Variants in CACNA1C observed in about 807,000 individuals in gnomAD.
CACNA1C encodes voltage-dependent L-type calcium channel subunit alpha-1C.
Under a neutral mutation model 229.0 loss-of-function variants are expected in CACNA1C, and 30 were observed. The observed-to-expected ratio is 0.13, with a 90% CI of 0.10 to 0.18. The LOEUF is 0.18. CACNA1C is among the 10% of genes least tolerant of loss of function. CACNA1C has a pLI of 1.00. For synonymous variants in CACNA1C, 1,114 were observed against 1,132.5 expected (o/e 0.98, Z 0.33); for missense variants, 1,658 against 2,845.0 (o/e 0.58, Z 9.49).
rs215983 is a variant in CACNA1C at position 2,597,554 on chromosome 12, G to C, written c.2853+265G>C. 0.97 allele frequency: 1,069,099 copies of C among 1,102,694 alleles called. 518,669 individuals carry two copies. The highest frequency in any genetic ancestry group is 1 in the East Asian group (42,597 of 42,602). 68.3% of individuals were successfully genotyped at this position (1,102,694 alleles called of 1,614,324 possible). On this transcript the variant is annotated intron_variant, in intron 21 of 46. Transcript: ENST00000399655. This position sits in a 1 kb window ranked among gnomAD's most constrained non-coding sequence, Gnocchi z 4.3. The stretch of plus-strand genomic sequence containing the variant: ...CTTTCTTTGTCTATCTCTGCTCTGT[G>C]TGGCTGGATCTTTTGTCTTTTCTGT...
chr12:2,153,890 AATC>A (rs1381438440), intron 3 of CACNA1C, among the ~76,000 whole-genome samples: 1 of 152,258 alleles, frequency 6.6e-6, no homozygotes, highest in Admixed American at 6.5e-5. Context: ...GAAGCTGAAT[AATC>A]ACAGGGTCTC....
At chr12:2,123,725 C>A (rs1424045721) in intron 3 of CACNA1C, among the ~76,000 whole-genome samples, 1 of 152,154 alleles carries the variant, frequency 6.6e-6, no homozygotes, top group Non-Finnish European at 1.5e-5. Flanking sequence ...CCTTGCCATG[C>A]CCATCTGAGC....
intron 3 of CACNA1C, among the ~76,000 whole-genome samples, chr12:2,377,321 T>C (rs1320430376): frequency 6.6e-6 from 1 of 152,072 alleles, no homozygotes; most frequent in African/African-American, 2.4e-5. Flanking sequence ...AGAGGTGATG[T>C]TGTCATGCCG....
rs373875149 is a variant in CACNA1C at position 2,493,224 on chromosome 12, G to T, written c.951G>T (p.Ala317=). 1.4e-5 allele frequency: 23 copies of T among 1,613,834 alleles called. No homozygotes were observed. The part of the protein sequence containing the change: ...VPAEDDPSPC[A]LETGHGRQCQ... ...CAGAAGATGACCCTTCCCCTTGTGC[G>T]CTGGAAACGGGCCACGGGCGGCAGT... Residue 317 remains alanine, a synonymous_variant, in exon 7 of 47, where the codon GCG becomes GCT. Coordinates refer to ENST00000399655, the MANE Select transcript of CACNA1C (RefSeq NM_000719.7). The surrounding 1 kb of genome is among the most constrained non-coding windows in gnomAD (Gnocchi z 4.6).
At chr12:2,192,027 C>T (rs988168783) in intron 3 of CACNA1C, among the ~76,000 whole-genome samples, 51 of 150,576 alleles carry the variant, frequency 3.4e-4, no homozygotes, top group African/African-American at 1.0e-3. Flanking sequence ...CACATATACA[C>T]GCACTCACAC....
intron 1 of CACNA1C, among the ~76,000 whole-genome samples, chr12:2,027,115 G>A (rs747901632): frequency 6.6e-6 from 1 of 152,166 alleles, no homozygotes; most frequent in Non-Finnish European, 1.5e-5. Context: ...ATGATGCTGG[G>A]GAGCAGGGGT....
chr12:2,045,886 G>A (rs113098508), intron 1 of CACNA1C, among the ~76,000 whole-genome samples: 6 of 151,900 alleles, frequency 3.9e-5, no homozygotes, highest in South Asian at 2.1e-4. Context: ...TGAAGACATC[G>A]TCTGGGATTA....
At chr12:2,441,006 A>C (rs2099219851) in intron 3 of CACNA1C, among the ~76,000 whole-genome samples, 1 of 152,236 alleles carries the variant, frequency 6.6e-6, no homozygotes, top group Admixed American at 6.5e-5. Flanking sequence ...CAGGAAATGC[A>C]TGTAGAGGTC....
chr12:2,665,295 G>A lies in CACNA1C; in HGVS notation c.4399-286G>A, dbSNP rs904138701. Among the ~76,000 whole-genome samples, 5 of 152,210 alleles carry A rather than the reference G, an allele frequency of 3.3e-5. No homozygotes were observed. The highest frequency in any genetic ancestry group is 4.8e-5 in the African/African-American group (2 of 41,450). ...TACTTTTTTGGCATCTTGCTGAGGA[G>A]TGAGGAAAAGGGGATAAAGTCCCCC... is the stretch of plus-strand genomic sequence containing the variant. On this transcript the variant is annotated intron_variant, in intron 35 of 46. Coordinates refer to ENST00000399655, the MANE Select transcript of CACNA1C (RefSeq NM_000719.7). The surrounding 1 kb of genome is among the most constrained non-coding windows in gnomAD (Gnocchi z 5.9).
intron 30 of CACNA1C, among the ~76,000 whole-genome samples, chr12:2,635,384 T>G (rs1163384350): frequency 2.0e-5 from 3 of 152,222 alleles, no homozygotes; most frequent in Non-Finnish European, 4.4e-5. Flanking sequence ...GTTGTTTAAT[T>G]TTTTCGTTAT....
intron 9 of CACNA1C, among the ~76,000 whole-genome samples, chr12:2,531,989 C>G (rs1568261115): frequency 6.6e-6 from 1 of 152,176 alleles, no homozygotes; most frequent in Admixed American, 6.5e-5. Context: ...GAAGGTCTTC[C>G]AGCTGACACC....
At chr12:2,369,502 G>A (rs1050446189) in intron 3 of CACNA1C, among the ~76,000 whole-genome samples, 2 of 151,102 alleles carry the variant, frequency 1.3e-5, no homozygotes, top group Non-Finnish European at 2.9e-5. Flanking sequence ...GGGTTCAAGC[G>A]ATTCTCCTAC....
At chr12:2,117,204 G>A (rs963528928) in intron 2 of CACNA1C, among the ~76,000 whole-genome samples, 10 of 152,258 alleles carry the variant, frequency 6.6e-5, no homozygotes, top group African/African-American at 2.4e-4. Context: ...TCGGGACGAA[G>A]AGGTTGCAGT....
Position 2,668,975 on chromosome 12 carries a change from G to A in CACNA1C, c.4666G>A (p.Val1556Ile). ...CATGCCTCTGAACAGCGACGGGACA[G>A]TCATGTTCAATGCCACCCTGTTTGC... ...MNMPLNSDGT[V>I]MFNATLFALV... Residue 1556 changes from valine (V) to isoleucine (I), a missense_variant, in exon 38 of 47, where the codon GTC (valine) becomes ATC (isoleucine). Val to Ile is a conservative substitution (Grantham distance 29). This residue lies in a region of CACNA1C where 151 missense variants were observed against 344.4 expected (regional missense o/e 0.44). Coordinates refer to ENST00000399655, the MANE Select transcript of CACNA1C (RefSeq NM_000719.7). 1 of 1,614,174 alleles carries A rather than the reference G, an allele frequency of 6.2e-7. No homozygotes were observed. The highest frequency in any genetic ancestry group is 8.5e-7 in the Non-Finnish European group (1 of 1,180,004).
intron 3 of CACNA1C, among the ~76,000 whole-genome samples, chr12:2,277,352 C>T (rs1566833965): frequency 1.1e-4 from 9 of 80,064 alleles, no homozygotes; most frequent in Non-Finnish European, 2.6e-5. Flanking sequence ...GACAGACAGA[C>T]AGACAGACAG....
intron 3 of CACNA1C, among the ~76,000 whole-genome samples, chr12:2,191,610 TCAGGCACACATGCACTCA>T (rs1211065139): frequency 1.3e-5 from 2 of 149,822 alleles, no homozygotes; most frequent in Admixed American, 6.6e-5. Flanking sequence ...ACACATGCGC[TCAGGCACACATGCACTCA>T]CAGGCACACA....
chr12:2,254,177 T>C (rs910389370), intron 3 of CACNA1C, among the ~76,000 whole-genome samples: 1 of 152,198 alleles, frequency 6.6e-6, no homozygotes, highest in African/African-American at 2.4e-5. Flanking sequence ...TTACTGTGTG[T>C]GCCCAGCACT....
At chr12:1,997,813 T>G in intron 1 of CACNA1C, 8 of 834,058 alleles carry the variant, frequency 9.6e-6, no homozygotes, top group Non-Finnish European at 1.5e-5. Context: ...ATTTCAAAAC[T>G]GAGATTTAAT....
chr12:2,668,449 C>CT (rs1471875220), intron 37 of CACNA1C: 1 of 154,076 alleles, frequency 6.5e-6, no homozygotes, highest in African/African-American at 2.4e-5. Context: ...CCAGCATCCT[C>CT]TGTGTATTAG....
Sources: allele counts gnomAD v4.1 joint callset (sites outside exome capture counted in the v4.1 genomes callset), GRCh38; gene constraint gnomAD v4.1.1; regional missense constraint gnomAD v4.1.1; non-coding constraint Gnocchi (gnomAD v3.1); transcripts MANE v1.5; gene names NCBI Gene and HGNC (gene_info 2026-07-23, HGNC 2026-07-21).